The following CPS1 variants were observed in gnomAD, a reference collection of about 807,000 sequenced individuals.
CPS1 encodes carbamoyl-phosphate synthase [ammonia], mitochondrial.
Under a neutral mutation model 174.6 loss-of-function variants are expected in CPS1, and 109 were observed. The ratio of observed to expected loss-of-function variants is 0.62; its 90% CI spans 0.53 to 0.73. The LOEUF is 0.73. Among genes scored for constraint, CPS1 ranks in the 30% least tolerant of loss-of-function variants. The probability of loss-of-function intolerance (pLI) is 0.00; values close to 1 mark genes in which losing one functional copy is unlikely to be tolerated. For missense variants in CPS1, 1,689 were observed against 1,821.9 expected (o/e 0.93, Z 1.33); for synonymous variants, 637 against 632.0 (o/e 1.01, Z -0.12).
chr2:210,662,043 G>A (rs1700942077), intron 32 of CPS1, among the ~76,000 whole-genome samples: 1 of 150,752 alleles, frequency 6.6e-6, no homozygotes, highest in Non-Finnish European at 1.5e-5. Context: ...TAGCCCCCAG[G>A]TAGCTGGGAT....
At chr2:210,574,069 T>C (rs1433009950) in intron 2 of CPS1, among the ~76,000 whole-genome samples, 4 of 152,068 alleles carry the variant, frequency 2.6e-5, no homozygotes, top group African/African-American at 9.7e-5. Flanking sequence ...AGTTAATAAA[T>C]GTTTGTTCAC....
upstream of CPS1, chr2:210,555,564 T>C: frequency 2.2e-6 from 1 of 450,798 alleles, no homozygotes; most frequent in Non-Finnish European, 4.5e-6. Context: ...AAAAAAATCC[T>C]TACCCCAACT....
chr2:210,575,504 C>A (rs963241765), intron 2 of CPS1, among the ~76,000 whole-genome samples: 1 of 129,242 alleles, frequency 7.7e-6, no homozygotes, highest in Admixed American at 7.8e-5. Flanking sequence ...TATACACACA[C>A]GATATGTATA....
chr2:210,537,662 G>T (rs532460013), intron 1 of CPS1, among the ~76,000 whole-genome samples: 1 of 152,268 alleles, frequency 6.6e-6, no homozygotes, highest in African/African-American at 2.4e-5. Context: ...TCTTTGAACA[G>T]TGTGCCATTT....
At chr2:210,577,953 A>C (rs901309066) in intron 4 of CPS1, among the ~76,000 whole-genome samples, 1 of 152,108 alleles carries the variant, frequency 6.6e-6, no homozygotes, top group Non-Finnish European at 1.5e-5. Flanking sequence ...CAATACTTGC[A>C]TCATCTCTCA....
chr2:210,639,177 T>G lies in CPS1; in HGVS notation c.2857T>G (p.Ser953Ala). ...TGATACACTGGCTGCAGAATACCCATCAGTAACAAACTATCTCTATGTTAC... is the reference window on the plus strand; with the variant it reads ...TGATACACTGGCTGCAGAATACCCAGCAGTAACAAACTATCTCTATGTTAC... ...QIDTLAAEYP[S>A]VTNYLYVTYN... The change falls in exon 23 of 38, where the codon TCA (serine) becomes GCA (alanine). Residue 953 changes from serine to alanine, a missense_variant. Physicochemically the swap from Ser to Ala is moderately conservative, Grantham distance 99. Transcript: ENST00000233072. 2 of 1,613,324 alleles carry G rather than the reference T, an allele frequency of 1.2e-6. No homozygotes were observed. Among genetic ancestry groups the G allele is most frequent in the Non-Finnish European group, 1.7e-6 (2 of 1,179,322 alleles).
chr2:210,539,996 CA>C (rs1696356933), intron 1 of CPS1, among the ~76,000 whole-genome samples: 1 of 152,162 alleles, frequency 6.6e-6, no homozygotes, highest in African/African-American at 2.4e-5. Flanking sequence ...GGTCCTGGAT[CA>C]GGGGTTGAAA....
chr2:210,562,554 C>T (rs1461840231), intron 1 of CPS1, among the ~76,000 whole-genome samples: 1 of 152,124 alleles, frequency 6.6e-6, no homozygotes, highest in Non-Finnish European at 1.5e-5. Flanking sequence ...ACCATATTAT[C>T]TACACAATAA....
Position 210,591,951 on chromosome 2 carries a change from C to G in CPS1, c.1068C>G (p.Val356=), listed in dbSNP as rs34022862. 2.3e-3 allele frequency: 3,638 copies of G among 1,611,620 alleles called. 73 individuals carry two copies. The African/African-American group carries it at 0.041, about 18-fold the overall frequency. Residue 356 remains valine, a synonymous_variant, in exon 10 of 38, where the codon GTC becomes GTG. Coordinates refer to ENST00000233072, the MANE Select transcript of CPS1 (RefSeq NM_001875.5). ...PAGWKPLFVN[V]NDQTNEGIMH... is the part of the protein sequence containing the mutation. Reference sequence around the variant, plus strand: ...GCTGGAAACCACTTTTTGTGAATGTCAACGATCAAACAAATGAGGTAAATG... The same window carrying G: ...GCTGGAAACCACTTTTTGTGAATGTGAACGATCAAACAAATGAGGTAAATG...
At position 210,478,356 on chromosome 2, in the gene CPS1, T is replaced by C. The variant is rs115462962; in HGVS notation, c.3+590T>C. 1.3e-3 allele frequency among the ~76,000 whole-genome samples: 192 copies of C among 152,374 alleles called. 2 individuals are homozygous for C. The highest frequency in any genetic ancestry group is 4.5e-3 in the African/African-American group (187 of 41,592). ...AGAATCTCACTGATGTTTAATCTTT[T>C]AGTTTTTCTGTGGCTAATGGTGTTG... is the stretch of plus-strand genomic sequence containing the variant. On this transcript the variant is annotated intron_variant, in intron 1 of 38. Transcript: ENST00000430249.
chr2:210,577,295 G>A (rs79246192), intron 3 of CPS1, 126 bp from the exon 4 acceptor site: 4 of 700,398 alleles, frequency 5.7e-6, no homozygotes, highest in Middle Eastern at 4.3e-4. Flanking sequence ...TTTGCCTCTT[G>A]TTTTTAAAAA....
chr2:210,674,731 T>G, intron 34 of CPS1, 171 bp from the exon 35 acceptor site: 1 of 650,088 alleles, frequency 1.5e-6, no homozygotes, highest in East Asian at 2.8e-5. Flanking sequence ...GGGATATAGC[T>G]AAAACTCACA....
At chr2:210,548,074 C>A (rs1696609871) in intron 1 of CPS1, among the ~76,000 whole-genome samples, 1 of 151,954 alleles carries the variant, frequency 6.6e-6, no homozygotes, top group Admixed American at 6.6e-5. Context: ...TTGAAGAATG[C>A]AGTTATTTTT....
intron 36 of CPS1, among the ~76,000 whole-genome samples, chr2:210,676,320 T>C (rs1701535239): frequency 6.6e-6 from 1 of 152,224 alleles, no homozygotes; most frequent in Non-Finnish European, 1.5e-5. Context: ...CCTTAGACCA[T>C]GTCATCATTA....
intron 1 of CPS1, among the ~76,000 whole-genome samples, chr2:210,568,651 G>A (rs1697376728): frequency 6.6e-6 from 1 of 152,048 alleles, no homozygotes; most frequent in African/African-American, 2.4e-5. Context: ...GACCAGATGT[G>A]ACTTGACAGT....
chr2:210,677,100 T>A lies in CPS1; in HGVS notation c.4368T>A (p.Ala1456=), dbSNP rs766234728. Residue 1456 remains alanine, a synonymous_variant, in exon 37 of 38, where the codon GCT becomes GCA. Transcript: ENST00000233072. ...ATAATTATGTGATTCGGAGGACAGC[T>A]GTTGATAGTGGAATCCCTCTCCTCA... ...VHDNYVIRRT[A]VDSGIPLLTN... 1 of 1,613,866 alleles carries A rather than the reference T, an allele frequency of 6.2e-7. No individual in the cohort carries two copies. The highest frequency in any genetic ancestry group is 8.5e-7 in the Non-Finnish European group (1 of 1,179,762).
At chr2:210,560,567 C>T (rs527377073) in intron 1 of CPS1, among the ~76,000 whole-genome samples, 2 of 152,260 alleles carry the variant, frequency 1.3e-5, no homozygotes, top group Admixed American at 1.3e-4. Flanking sequence ...ATCCAAGTGT[C>T]CTCTCTGATA....
chr2:210,678,225 T>C lies in CPS1; in HGVS notation c.*240T>C, dbSNP rs954641404. 1.6e-5 allele frequency: 9 copies of C among 564,536 alleles called. No individual in the cohort carries two copies. Among genetic ancestry groups the C allele is most frequent in the African/African-American group, 1.3e-4 (7 of 53,230 alleles). The allele number at this position is 564,536 out of a possible 1,614,324, so 35.0% of individuals were successfully genotyped here. ...CATCCATTTACTAATACTGTATTTTTGGTGGACTAGGCTTGCCTATGTGCT... is the reference window on the plus strand; with the variant it reads ...CATCCATTTACTAATACTGTATTTTCGGTGGACTAGGCTTGCCTATGTGCT... On this transcript the variant is annotated 3_prime_UTR_variant, in exon 38 of 38. Transcript: ENST00000233072.
intron 34 of CPS1, among the ~76,000 whole-genome samples, chr2:210,670,606 G>A (rs1046731385): frequency 6.6e-6 from 1 of 152,076 alleles, no homozygotes; most frequent in African/African-American, 2.4e-5. Flanking sequence ...GATATATTAA[G>A]TTAGAACTGA....
Sources: allele counts gnomAD v4.1 joint callset (sites outside exome capture counted in the v4.1 genomes callset), GRCh38; gene constraint gnomAD v4.1.1; transcripts MANE v1.5; gene names NCBI Gene and HGNC (gene_info 2026-07-23, HGNC 2026-07-21).